Variants in WDR70 observed in about 807,000 individuals in gnomAD.
The protein encoded by WDR70 is WD repeat domain 70.
In WDR70, 53 loss-of-function variants were observed where a neutral mutation model predicts 88.6. The observed-to-expected ratio is 0.60, with a 90% confidence interval of 0.48 to 0.75. The LOEUF (loss-of-function observed/expected upper bound fraction) is 0.75, where lower values mean the gene tolerates loss of function less well. Ranked by LOEUF, WDR70 falls within the 30% of genes least tolerant of loss-of-function variation. WDR70 has a pLI of 0.00. For synonymous variants in WDR70, 280 were observed against 270.0 expected (o/e 1.04, Z -0.36); for missense variants, 610 against 823.2 (o/e 0.74, Z 3.17).
intron 10 of WDR70, among the ~76,000 whole-genome samples, chr5:37,693,114 T>G (rs1274412598): frequency 3.9e-5 from 6 of 152,138 alleles, no homozygotes; most frequent in Admixed American, 3.9e-4. Context: ...CATTCACAAT[T>G]GCTACAAAGA....
At chr5:37,684,849 T>C (rs1746534181) in intron 10 of WDR70, among the ~76,000 whole-genome samples, 1 of 152,210 alleles carries the variant, frequency 6.6e-6, no homozygotes, top group South Asian at 2.1e-4. Flanking sequence ...GCTCACTGGC[T>C]GCAGTGCTAG....
chr5:37,528,450 A>G (rs985372090), intron 9 of WDR70, among the ~76,000 whole-genome samples: 1 of 152,052 alleles, frequency 6.6e-6, no homozygotes, highest in Admixed American at 6.6e-5. Flanking sequence ...GGACACAGGA[A>G]GGGGAACATC....
chr5:37,595,436 C>G (rs961657225), intron 9 of WDR70, among the ~76,000 whole-genome samples: 1 of 152,090 alleles, frequency 6.6e-6, no homozygotes, highest in Admixed American at 6.6e-5. Flanking sequence ...TCTGAGAGAA[C>G]TAAAAGATCT....
chr5:37,409,690 A>G (rs1324838914), intron 5 of WDR70, among the ~76,000 whole-genome samples: 1 of 151,868 alleles, frequency 6.6e-6, no homozygotes, highest in African/African-American at 2.4e-5. Context: ...TTTTTAGTAG[A>G]GACGGGTTTT....
In WDR70 at chr5:37,511,861, C is replaced by G. The variant is rs1740731801; in HGVS notation, c.841-4653C>G. 2.0e-5 allele frequency among the ~76,000 whole-genome samples: 3 copies of G among 152,150 alleles called. No homozygotes were observed. The South Asian group carries it at 6.2e-4, about 32-fold the overall frequency. ...TATATTGAAGGCAGTTTCAGAATTGCTAATGCATACCACTGCAAAAAAGAA... is the reference window on the plus strand; with the variant it reads ...TATATTGAAGGCAGTTTCAGAATTGGTAATGCATACCACTGCAAAAAAGAA... On this transcript the variant is annotated intron_variant, in intron 8 of 17. Coordinates refer to ENST00000265107, the MANE Select transcript of WDR70 (RefSeq NM_018034.4).
intron 12 of WDR70, among the ~76,000 whole-genome samples, chr5:37,701,766 A>G (rs1747170538): frequency 7.2e-6 from 1 of 138,356 alleles, no homozygotes; most frequent in Non-Finnish European, 1.5e-5. Context: ...AGCCTGGGGG[A>G]CAGAGCCAGA....
intron 9 of WDR70, among the ~76,000 whole-genome samples, chr5:37,541,386 T>A (rs1457401517): frequency 6.6e-6 from 1 of 152,210 alleles, no homozygotes; most frequent in Non-Finnish European, 1.5e-5. Flanking sequence ...TGAAGAAAAC[T>A]TTCAACGATT....
intron 9 of WDR70, among the ~76,000 whole-genome samples, chr5:37,584,182 G>A (rs1743298745): frequency 1.3e-5 from 2 of 152,190 alleles, no homozygotes; most frequent in African/African-American, 4.8e-5. Flanking sequence ...ATGGTAAAGT[G>A]CTTTTAGAAT....
chr5:37,515,587 T>A (rs1740862955), intron 8 of WDR70, among the ~76,000 whole-genome samples: 1 of 152,234 alleles, frequency 6.6e-6, no homozygotes, highest in Non-Finnish European at 1.5e-5. Flanking sequence ...ATTTGAGGCA[T>A]TGTAGACAAC....
intron 5 of WDR70, among the ~76,000 whole-genome samples, chr5:37,408,168 C>A (rs974092488): frequency 1.3e-5 from 2 of 151,880 alleles, no homozygotes; most frequent in Non-Finnish European, 2.9e-5. Context: ...GCATTTTTGT[C>A]AGTAAGAAGG....
chr5:37,592,416 C>T (rs1743558370), intron 9 of WDR70, among the ~76,000 whole-genome samples: 1 of 146,158 alleles, frequency 6.8e-6, no homozygotes. Context: ...CTTATTCATA[C>T]ATAAGTACTT....
intron 10 of WDR70, among the ~76,000 whole-genome samples, chr5:37,622,418 T>C (rs1476934957): frequency 6.6e-6 from 1 of 151,928 alleles, no homozygotes. Flanking sequence ...TTATAAATCA[T>C]GCTGCTATAA....
chr5:37,504,673 G>C lies in WDR70; in HGVS notation c.841-11841G>C, dbSNP rs1253793703. On this transcript the variant is annotated intron_variant, in intron 8 of 17. Coordinates refer to ENST00000265107, the MANE Select transcript of WDR70 (RefSeq NM_018034.4). ...TGCTCTCCTTCACTTGTAAAGTTCT[G>C]ATCTCTTCCCACTATGCATATTTAC... Among the ~76,000 whole-genome samples, 5 of 152,326 alleles carry C rather than the reference G, an allele frequency of 3.3e-5. No homozygotes were observed. The East Asian group carries it at 5.8e-4, about 18-fold the overall frequency.
At chr5:37,560,475 A>G (rs1190920878) in intron 9 of WDR70, among the ~76,000 whole-genome samples, 1 of 152,154 alleles carries the variant, frequency 6.6e-6, no homozygotes, top group Admixed American at 6.5e-5. Context: ...GGTAAGCTGT[A>G]TGTCTATAGT....
chr5:37,712,376 A>T (rs558592811), intron 13 of WDR70, among the ~76,000 whole-genome samples: 1 of 151,936 alleles, frequency 6.6e-6, no homozygotes, highest in Non-Finnish European at 1.5e-5. Flanking sequence ...CTTTTTTCAG[A>T]TTCATTGCAA....
intron 10 of WDR70, among the ~76,000 whole-genome samples, chr5:37,673,347 G>A (rs367823077): frequency 4.6e-5 from 7 of 152,022 alleles, no homozygotes; most frequent in Admixed American, 6.6e-5. Flanking sequence ...ATTGTGAACA[G>A]TGTTGCAGTG....
chr5:37,651,207 G>A (rs1015810940), intron 10 of WDR70, among the ~76,000 whole-genome samples: 2 of 151,978 alleles, frequency 1.3e-5, no homozygotes, highest in African/African-American at 4.8e-5. Context: ...GTGAGAACAT[G>A]CGGTGTTTGG....
At chr5:37,635,918 G>A (rs1744950590) in intron 10 of WDR70, among the ~76,000 whole-genome samples, 1 of 152,126 alleles carries the variant, frequency 6.6e-6, no homozygotes, top group Non-Finnish European at 1.5e-5. Context: ...GGTTTTATAA[G>A]GGGCTTTCCC....
intron 5 of WDR70, among the ~76,000 whole-genome samples, chr5:37,429,235 G>A (rs1404351801): frequency 6.6e-6 from 1 of 152,088 alleles, no homozygotes; most frequent in Non-Finnish European, 1.5e-5. Flanking sequence ...TTTATTTTGA[G>A]CTTAAATATT....
Sources: allele counts gnomAD v4.1 joint callset (sites outside exome capture counted in the v4.1 genomes callset), GRCh38; gene constraint gnomAD v4.1.1; transcripts MANE v1.5; gene names NCBI Gene and HGNC (gene_info 2026-07-23, HGNC 2026-07-21).